Variants in ABR observed in about 807,000 individuals in gnomAD.
ABR encodes active breakpoint cluster region-related protein.
Under a neutral mutation model 107.2 loss-of-function variants are expected in ABR, and 35 were observed. The ratio of observed to expected loss-of-function variants is 0.33; its 90% confidence interval spans 0.25 to 0.43. The LOEUF (loss-of-function observed/expected upper bound fraction) is 0.43, where lower values mean the gene tolerates loss of function less well. ABR is among the 20% of genes least tolerant of loss of function. The probability of loss-of-function intolerance (pLI) is 1.00; values close to 1 mark genes in which losing one functional copy is unlikely to be tolerated. For missense variants in ABR, 815 were observed against 1,115.2 expected (o/e 0.73, Z 3.83); for synonymous variants, 498 against 462.0 (o/e 1.08, Z -1.00).
At chr17:1,013,007 G>T in intron 17 of ABR, 98 bp downstream of exon 17, 2 of 1,444,802 alleles carry the variant, frequency 1.4e-6, no homozygotes, top group African/African-American at 2.8e-5. Context: ...AGGCGGCACA[G>T]CGGCCCCAGG....
chr17:1,194,718 G>A lies in ABR; in HGVS notation c.838+34075C>T, dbSNP rs535456102. Among the ~76,000 whole-genome samples, 192 of 119,546 alleles carry A rather than the reference G, an allele frequency of 1.6e-3. 25 individuals carry two copies. Among genetic ancestry groups the A allele is most frequent in the African/African-American group, 4.3e-3 (153 of 35,614 alleles). 78.4% of individuals were successfully genotyped at this position (119,546 alleles called of 152,430 possible). A position where few individuals can be genotyped will look rare whatever the true frequency, so the allele number is the denominator to read the frequency against. Reference sequence around the variant, plus strand: ...GCCCAGGCTGGAGTGCAGTGGTGCGGTCTCAGCTCACTGCAACCTCCACCT... The same window carrying A: ...GCCCAGGCTGGAGTGCAGTGGTGCGATCTCAGCTCACTGCAACCTCCACCT... On this transcript the variant is annotated intron_variant, in intron 1 of 22. Transcript: ENST00000574139.
intron 16 of ABR, among the ~76,000 whole-genome samples, chr17:1,048,075 T>C (rs1209202149): frequency 6.6e-6 from 1 of 152,134 alleles, no homozygotes; most frequent in African/African-American, 2.4e-5. Context: ...TCCGTGCCTG[T>C]CCCTCTAGCC....
chr17:1,025,478 G>A (rs920895022), intron 16 of ABR, among the ~76,000 whole-genome samples: 1 of 152,114 alleles, frequency 6.6e-6, no homozygotes, highest in Non-Finnish European at 1.5e-5. Context: ...GCTTCCCACT[G>A]CATTCGGATT....
intron 16 of ABR, among the ~76,000 whole-genome samples, chr17:1,014,810 C>T (rs1365743725): frequency 6.6e-6 from 1 of 152,062 alleles, no homozygotes; most frequent in Non-Finnish European, 1.5e-5. Flanking sequence ...CACACCACTG[C>T]ACTCCAGCCT....
intron 1 of ABR, among the ~76,000 whole-genome samples, chr17:1,156,807 T>G (rs1217042990): frequency 6.6e-6 from 1 of 152,218 alleles, no homozygotes; most frequent in Non-Finnish European, 1.5e-5. Context: ...CACAGGGAGA[T>G]GGACTAACTT....
rs1006556542 is a variant in ABR at position 1,179,894 on chromosome 17, G to A, written c.-167C>T. ...CGGGGCGGCCGGGGCAGGGGCGAGGGCGGGGCGGGAGCCCCCAAAACCCTC... is the reference window on the plus strand; with the variant it reads ...CGGGGCGGCCGGGGCAGGGGCGAGGACGGGGCGGGAGCCCCCAAAACCCTC... On this transcript the variant is annotated 5_prime_UTR_variant, in exon 1 of 23. Transcript: ENST00000302538. The surrounding 1 kb of genome is among the most constrained non-coding windows in gnomAD (Gnocchi z 4.9). The A allele has an allele frequency of 3.3e-6, 2 of 613,778 alleles. No homozygotes were observed. The highest frequency in any genetic ancestry group is 2.5e-6 in the Non-Finnish European group (1 of 402,626). 38.0% of individuals were successfully genotyped at this position (613,778 alleles called of 1,614,324 possible). A position where few individuals can be genotyped will look rare whatever the true frequency, so the allele number is the denominator to read the frequency against.
At chr17:1,013,204 G>A (rs373944590) in intron 16 of ABR, 40 bp from the exon 17 acceptor site, 2 of 1,598,690 alleles carry the variant, frequency 1.3e-6, no homozygotes. Flanking sequence ...TGCCAGCTCG[G>A]AGGCCAAGCC....
intron 14 of ABR, 129 bp downstream of exon 14, chr17:1,055,906 G>A (rs1242912326): frequency 6.2e-5 from 51 of 825,302 alleles, no homozygotes; most frequent in Non-Finnish European, 9.6e-5. Flanking sequence ...TCCCTGCCAA[G>A]AGGAGCTGGT....
chr17:1,065,808 G>C (rs370728458), intron 10 of ABR, among the ~76,000 whole-genome samples: 9 of 146,940 alleles, frequency 6.1e-5, no homozygotes, highest in African/African-American at 2.3e-4. Flanking sequence ...TGCAGCAGCG[G>C]AATCTCAGCT....
At chr17:1,104,523 G>A (rs1021036596) in intron 2 of ABR, among the ~76,000 whole-genome samples, 5 of 152,124 alleles carry the variant, frequency 3.3e-5, no homozygotes, top group Admixed American at 1.3e-4. Flanking sequence ...GTCAGTTCAC[G>A]GGCCACAGCT....
At chr17:1,057,828 A>G in intron 12 of ABR, 142 bp downstream of exon 12, 1 of 699,116 alleles carries the variant, frequency 1.4e-6, no homozygotes, top group Admixed American at 2.4e-5. Flanking sequence ...AATCCGTAAC[A>G]TCCTTAAACG....
chr17:1,130,276 C>T (rs139215637), intron 1 of ABR, among the ~76,000 whole-genome samples: 22 of 152,228 alleles, frequency 1.4e-4, no homozygotes, highest in Non-Finnish European at 2.5e-4. Flanking sequence ...GAGCCTCAAA[C>T]GCAGCCTTTT....
At chr17:1,198,858 C>G (rs927225899) in intron 1 of ABR, among the ~76,000 whole-genome samples, 2 of 148,398 alleles carry the variant, frequency 1.3e-5, no homozygotes, top group Non-Finnish European at 3.0e-5. Context: ...TGGTTATGAT[C>G]TCCTGAACTT....
chr17:1,227,848 C>T (rs1333858365), intron 1 of ABR, among the ~76,000 whole-genome samples: 1 of 152,194 alleles, frequency 6.6e-6, no homozygotes, highest in African/African-American at 2.4e-5. Context: ...CTAGAAAGAG[C>T]TCGGTGGACG....
chr17:1,057,200 T>C, intron 12 of ABR, 98 bp from the exon 13 acceptor site: 1 of 774,922 alleles, frequency 1.3e-6, no homozygotes, highest in Non-Finnish European at 2.2e-6. Context: ...GCTTAATCCC[T>C]GGGGCAGACT....
intron 4 of ABR, among the ~76,000 whole-genome samples, chr17:1,085,409 C>T (rs2036533102): frequency 6.6e-6 from 1 of 152,192 alleles, no homozygotes; most frequent in African/African-American, 2.4e-5. Context: ...AGCCACCGCG[C>T]CCGGCCAATT....
At position 1,049,749 on chromosome 17, in the gene ABR, C is replaced by T. The variant is rs550049490; in HGVS notation, c.1791+301G>A. ...GACGCAGCCTCTGAGTCCTTCTCAACATGGCGTTCCGGGAAACAACCACCC... is the reference window on the plus strand; with the variant it reads ...GACGCAGCCTCTGAGTCCTTCTCAATATGGCGTTCCGGGAAACAACCACCC... On this transcript the variant is annotated intron_variant, in intron 16 of 22. Transcript: ENST00000302538. Among the ~76,000 whole-genome samples the T allele has an allele frequency of 1.8e-3, 268 of 152,370 alleles. 8 individuals are homozygous for T. The highest frequency in any genetic ancestry group is 1.3e-3 in the East Asian group (7 of 5,186).
chr17:1,097,615 CTG>C (rs971719260), intron 3 of ABR, among the ~76,000 whole-genome samples: 8 of 146,660 alleles, frequency 5.5e-5, no homozygotes, highest in Non-Finnish European at 7.5e-5. Context: ...AAAAAGAACT[CTG>C]TGTATAAATT....
At chr17:1,214,789 G>A (rs531491988) in intron 1 of ABR, among the ~76,000 whole-genome samples, 23 of 130,154 alleles carry the variant, frequency 1.8e-4, no homozygotes, top group African/African-American at 5.3e-4. Context: ...CAACAAGAGC[G>A]AAACTCCACC....
Sources: gnomAD v4.1 joint callset for allele counts (sites outside exome capture counted in the v4.1 genomes callset) on GRCh38, gnomAD v4.1.1 for gene constraint, Gnocchi (gnomAD v3.1) non-coding constraint, MANE v1.5 for transcripts, NCBI Gene and HGNC (gene_info 2026-07-23, HGNC 2026-07-21) for gene names.